The following SIGLEC9 variants were observed in gnomAD, a reference collection of about 807,000 sequenced individuals.
SIGLEC9 encodes the protein sialic acid-binding Ig-like lectin 9.
A neutral mutation model predicts 38.3 loss-of-function variants in SIGLEC9; 26 were observed. That is an observed-to-expected ratio of 0.68 (90% CI 0.50 to 0.94). The LOEUF is 0.94. Among genes scored for constraint, SIGLEC9 ranks in the 40% least tolerant of loss-of-function variants. The pLI is 0.00. For synonymous variants in SIGLEC9, 236 were observed against 248.0 expected (o/e 0.95, Z 0.45); for missense variants, 556 against 585.7 (o/e 0.95, Z 0.52).
At chr19:51,128,278 T>G in intron 5 of SIGLEC9, 136 bp from the exon 6 acceptor site, 1 of 1,053,690 alleles carries the variant, frequency 9.5e-7, no homozygotes. Flanking sequence ...AACCTTGGGG[T>G]CTCTAAGACT....
rs759377738 is a variant in SIGLEC9, at chr19:51,125,018, C to A, written c.44C>A (p.Ala15Glu). 1.6e-5 allele frequency: 26 copies of A among 1,612,282 alleles called. No individual in the cohort carries two copies. Among genetic ancestry groups the A allele is most frequent in the Middle Eastern group, 3.3e-4 (2 of 6,050 alleles). ...LLPLLWGRER[A>E]EGQTSKLLTM... ...CCCCTGCTCTGGGGGAGGGAGAGGG[C>A]GGAAGGACAGACAAGTAAACTGCTG... Residue 15 changes from alanine (A) to glutamate (E), a missense_variant, in exon 1 of 7, where the codon GCG becomes GAG. Physicochemically the swap from Ala to Glu is moderately radical, Grantham distance 107. Coordinates refer to ENST00000250360, the MANE Select transcript of SIGLEC9 (RefSeq NM_014441.3).
rs762314268 is a variant in SIGLEC9 at position 51,125,221 on chromosome 19, G to C, written c.247G>C (p.Val83Leu). 6.2e-7 allele frequency: 1 copy of C among 1,614,162 alleles called. No individual in the cohort carries two copies. Among genetic ancestry groups the C allele is most frequent in the Admixed American group, 1.7e-5 (1 of 60,012 alleles). Residue 83 changes from valine to leucine, a missense_variant, in exon 1 of 7, where the codon GTG becomes CTG. Physicochemically the swap from Val to Leu is conservative, Grantham distance 32 (BLOSUM62 1). Transcript: ENST00000250360. ...GGCCACAAACAACCCAGCTCGGGCA[G>C]TGTGGGAGGAGACTCGGGACCGATT... Reference protein sequence around the residue: ...PVATNNPARAVWEETRDRFHL... With the variant: ...PVATNNPARALWEETRDRFHL...
upstream of SIGLEC9, chr19:51,120,592 G>A (rs1205913915): frequency 1.3e-5 from 2 of 152,762 alleles, no homozygotes; most frequent in Admixed American, 6.5e-5. The surrounding 1 kb of genome is among the most constrained non-coding windows in gnomAD (Gnocchi z 4.1). Context: ...ATTTCTTCTG[G>A]ATAAGAGAAG....
chr19:51,132,081 G>A (rs2092019033), downstream of SIGLEC9, among the ~76,000 whole-genome samples: 1 of 152,158 alleles, frequency 6.6e-6, no homozygotes, highest in Admixed American at 6.5e-5. Flanking sequence ...TGTCTTCAAG[G>A]TAATGAGAGA....
At chr19:51,126,884 A>G (rs1257719522) in intron 3 of SIGLEC9, 146 bp from the exon 4 acceptor site, 11 of 668,618 alleles carry the variant, frequency 1.6e-5, no homozygotes, top group Non-Finnish European at 2.8e-5. Flanking sequence ...AGAAGTTTAC[A>G]TTCCCAGCAG....
At chr19:51,126,384 A>G (rs2091979725) in intron 3 of SIGLEC9, among the ~76,000 whole-genome samples, 1 of 151,632 alleles carries the variant, frequency 6.6e-6, no homozygotes, top group African/African-American at 2.4e-5. Flanking sequence ...CCAGGCTTTG[A>G]GGCTCCTTCT....
upstream of SIGLEC9, among the ~76,000 whole-genome samples, chr19:51,123,674 G>C (rs887911212): frequency 3.3e-5 from 5 of 152,194 alleles, no homozygotes; most frequent in African/African-American, 1.2e-4. Flanking sequence ...ACAAAGAGGA[G>C]GTGTTGCGGC....
At chr19:51,128,369 C>T (rs913425778) in intron 5 of SIGLEC9, 45 bp from the exon 6 acceptor site, 70 of 1,601,064 alleles carry the variant, frequency 4.4e-5, no homozygotes, top group Non-Finnish European at 5.9e-5. Context: ...GCCCACCGCA[C>T]CCCAATCTGA....
Position 51,124,939 on chromosome 19 carries a change from C to T in SIGLEC9, c.-36C>T, listed in dbSNP as rs201908383. ...TGAGAGAAGAACCCTGAGGAACAGA[C>T]GTTCCCTCGCGGCCCTGGCACCTCT... On this transcript the variant is annotated 5_prime_UTR_variant, in exon 1 of 7. It adds an upstream start codon to the 5' untranslated region. Coordinates refer to ENST00000250360, the MANE Select transcript of SIGLEC9 (RefSeq NM_014441.3). The T allele has an allele frequency of 2.3e-5, 36 of 1,572,056 alleles. No individual in the cohort carries two copies. The Admixed American group carries it at 3.2e-4, about 14-fold the overall frequency.
At chr19:51,130,379 A>C, downstream of SIGLEC9, 1 of 267,098 alleles carries the variant, frequency 3.7e-6, no homozygotes, top group Non-Finnish European at 6.9e-6. Context: ...GGTTGTGGTC[A>C]CCATTCCAGG....
At chr19:51,129,554 T>A (rs113683401) in intron 6 of SIGLEC9, among the ~76,000 whole-genome samples, 11 of 151,938 alleles carry the variant, frequency 7.2e-5, no homozygotes, top group Admixed American at 7.2e-4. Flanking sequence ...TTCGTTTGTT[T>A]GTTTTTGTTT....
In SIGLEC9 at chr19:51,128,518, A is replaced by T. The variant is rs780824763; in HGVS notation, c.1203+8A>T. On this transcript the variant is annotated splice_region_variant and intron_variant, in intron 6 of 6. Coordinates refer to ENST00000250360, the MANE Select transcript of SIGLEC9 (RefSeq NM_014441.3). ...AGGGGTTCAGCCTCTCAGGTGAGTG[A>T]TGTGGACTCTCCACAGCCAGCATGT... The T allele has an allele frequency of 1.2e-6, 2 of 1,612,006 alleles. No individual in the cohort carries two copies. Among genetic ancestry groups the T allele is most frequent in the Non-Finnish European group, 1.7e-6 (2 of 1,178,180 alleles).
Position 51,135,777 on chromosome 19 carries a change from CT to C in SIGLEC9, c.1204-178del, listed in dbSNP as rs539487764. 5.4e-3 allele frequency among the ~76,000 whole-genome samples: 825 copies of C among 151,660 alleles called. 4 individuals carry two copies. The highest frequency in any genetic ancestry group is 0.01 in the Middle Eastern group (3 of 294). ...GAGGGTTTTGTCATTTTTTTTAATT[CT>C]TTTTTTAAAAATTTTTGTCTGATTG... On this transcript the variant is annotated intron_variant, in intron 6 of 6. Transcript: ENST00000440804.
At chr19:51,129,402 G>A (rs2092001946) in intron 6 of SIGLEC9, among the ~76,000 whole-genome samples, 1 of 151,804 alleles carries the variant, frequency 6.6e-6, no homozygotes, top group Non-Finnish European at 1.5e-5. Context: ...CTTGTGATCT[G>A]CCCACCTTGG....
Position 51,125,840 on chromosome 19 carries a change from T to C in SIGLEC9, c.665T>C (p.Val222Ala). ...CAGGTGACCTTCCCTGGGGCCAGCG[T>C]GACCACGAACAAGACCGTCCATCTC... is the stretch of plus-strand genomic sequence containing the variant. ...TCQVTFPGASVTTNKTVHLNV... is the reference protein window; with the variant it reads ...TCQVTFPGASATTNKTVHLNV... Residue 222 changes from valine (V) to alanine (A), a missense_variant, in exon 2 of 7, where the codon GTG becomes GCG. By Grantham distance (64) the Val-to-Ala change is moderately conservative. Transcript: ENST00000250360. The C allele has an allele frequency of 1.2e-6, 2 of 1,614,074 alleles. No individual in the cohort carries two copies. The highest frequency in any genetic ancestry group is 1.7e-6 in the Non-Finnish European group (2 of 1,180,004).
chr19:51,124,811 T>C (rs1332351630), upstream of SIGLEC9: 2 of 864,334 alleles, frequency 2.3e-6, no homozygotes, highest in Non-Finnish European at 3.5e-6. Context: ...GACCCGGGCC[T>C]GACAGTGTCT....
At chr19:51,124,294 G>A (rs1006188080), upstream of SIGLEC9, among the ~76,000 whole-genome samples, 2 of 152,054 alleles carry the variant, frequency 1.3e-5, no homozygotes, top group Admixed American at 6.5e-5. Context: ...ACAGCCCCAT[G>A]TCCCTCTGCT....
chr19:51,130,366 C>A, downstream of SIGLEC9: 1 of 309,092 alleles, frequency 3.2e-6, no homozygotes, highest in Admixed American at 5.0e-5. Flanking sequence ...GCCCTACTTG[C>A]AAGGTTGTGG....
upstream of SIGLEC9, chr19:51,120,779 A>G (rs1432467439): frequency 1.2e-5 from 2 of 167,780 alleles, no homozygotes; most frequent in Non-Finnish European, 1.4e-5. This position sits in a 1 kb window ranked among gnomAD's most constrained non-coding sequence, Gnocchi z 4.1. Flanking sequence ...GTGGATCAGG[A>G]CCCCCATGCC....
Sources: gnomAD v4.1 joint callset for allele counts (sites outside exome capture counted in the v4.1 genomes callset) on GRCh38, gnomAD v4.1.1 for gene constraint, Gnocchi (gnomAD v3.1) non-coding constraint, MANE v1.5 for transcripts, NCBI Gene and HGNC (gene_info 2026-07-23, HGNC 2026-07-21) for gene names.